The following GABRG3 variants were observed in gnomAD, a reference collection of about 807,000 sequenced individuals.
The protein encoded by GABRG3 is gamma-aminobutyric acid receptor subunit gamma-3.
In GABRG3, 25 loss-of-function variants were observed where a neutral mutation model predicts 48.8. The observed-to-expected ratio is 0.51, with a 90% CI of 0.37 to 0.72. The LOEUF (loss-of-function observed/expected upper bound fraction) is 0.72. Ranked by LOEUF, GABRG3 falls within the 30% of genes least tolerant of loss-of-function variation. The probability of loss-of-function intolerance (pLI) is 0.00; values close to 1 mark genes in which losing one functional copy is unlikely to be tolerated. For missense variants in GABRG3, 394 were observed against 577.9 expected (o/e 0.68, Z 3.26); for synonymous variants, 227 against 217.6 (o/e 1.04, Z -0.38).
At chr15:27,093,212 G>T (rs1481347047) in intron 3 of GABRG3, among the ~76,000 whole-genome samples, 1 of 152,108 alleles carries the variant, frequency 6.6e-6, no homozygotes, top group East Asian at 1.9e-4. Context: ...TGGCCAGGTT[G>T]GTGAGGTGGA....
At chr15:27,049,155 G>A (rs1019342577) in intron 3 of GABRG3, among the ~76,000 whole-genome samples, 3 of 152,214 alleles carry the variant, frequency 2.0e-5, no homozygotes, top group African/African-American at 7.2e-5. Context: ...TTAATGCTCT[G>A]GTGTCTCTCT....
intron 5 of GABRG3, among the ~76,000 whole-genome samples, chr15:27,386,548 G>A (rs935233112): frequency 6.6e-6 from 1 of 151,942 alleles, no homozygotes; most frequent in Non-Finnish European, 1.5e-5. Flanking sequence ...GAACTTGGGG[G>A]ACTTTTTTTT....
chr15:27,119,363 G>A (rs1366747558), intron 3 of GABRG3, among the ~76,000 whole-genome samples: 2 of 152,120 alleles, frequency 1.3e-5, no homozygotes, highest in Non-Finnish European at 2.9e-5. Context: ...TCTGTTATAC[G>A]AGTTTCAGCC....
chr15:27,540,515 T>C lies in GABRG3; in HGVS notation c.*7634T>C, dbSNP rs1161136459. 3 of 152,238 alleles carry C rather than the reference T, an allele frequency of 2.0e-5. No individual in the cohort carries two copies. Among genetic ancestry groups the C allele is most frequent in the African/African-American group, 7.2e-5 (3 of 41,472 alleles). The allele number at this position is 152,238 out of a possible 1,614,324, so 9.4% of individuals were successfully genotyped here. A position where few individuals can be genotyped will look rare whatever the true frequency, so the allele number is the denominator to read the frequency against. On this transcript the variant is annotated 3_prime_UTR_variant, in exon 10 of 10. Transcript: ENST00000615808. ...AATAGTCACAGGCAAAATATATTCA[T>C]GAAATGTACAGTGCTTACTATTATA...
rs138304518 is a variant in GABRG3 at position 26,995,847 on chromosome 15, C to A, written c.202+18697C>A. On this transcript the variant is annotated intron_variant, in intron 2 of 9. Transcript: ENST00000615808. Reference sequence around the variant, plus strand: ...AAAATTTATTTTCACATTAGTTGTACAACCTTATGTCTTTTTTATATGCAC... The same window carrying A: ...AAAATTTATTTTCACATTAGTTGTAAAACCTTATGTCTTTTTTATATGCAC... Among the ~76,000 whole-genome samples, 776 of 152,062 alleles carry A rather than the reference C, an allele frequency of 5.1e-3. 9 individuals are homozygous for A. The highest frequency in any genetic ancestry group is 0.018 in the African/African-American group (734 of 41,542).
At chr15:27,328,195 A>G (rs970073388) in intron 4 of GABRG3, among the ~76,000 whole-genome samples, 9 of 152,022 alleles carry the variant, frequency 5.9e-5, no homozygotes, top group Non-Finnish European at 1.3e-4. Context: ...TGGAGTTTGT[A>G]GAAGTTGTCT....
chr15:26,983,171 C>G (rs950181221), intron 2 of GABRG3, among the ~76,000 whole-genome samples: 4 of 147,852 alleles, frequency 2.7e-5, no homozygotes, highest in African/African-American at 1.0e-4. Context: ...TTTTTCAAAT[C>G]TAGCCAATTT....
chr15:27,020,813 A>G (rs1895880615), intron 2 of GABRG3, among the ~76,000 whole-genome samples: 1 of 152,152 alleles, frequency 6.6e-6, no homozygotes, highest in Non-Finnish European at 1.5e-5. Context: ...CATGGAGGTG[A>G]TATAATTTTT....
At chr15:27,307,256 TCA>T (rs1317777079) in intron 3 of GABRG3, among the ~76,000 whole-genome samples, 2 of 81,854 alleles carry the variant, frequency 2.4e-5, no homozygotes, top group African/African-American at 4.0e-5. Flanking sequence ...ATAACCATGT[TCA>T]TATTATATGT....
intron 3 of GABRG3, among the ~76,000 whole-genome samples, chr15:27,031,079 CACACACACAT>C (rs995211405): frequency 2.6e-5 from 4 of 151,750 alleles, no homozygotes; most frequent in Admixed American, 6.5e-5. Context: ...CACACACACA[CACACACACAT>C]ACAACACATA....
At chr15:27,096,281 G>A (rs1329498958) in intron 3 of GABRG3, among the ~76,000 whole-genome samples, 1 of 152,238 alleles carries the variant, frequency 6.6e-6, no homozygotes, top group Non-Finnish European at 1.5e-5. Context: ...TTTCATCAGA[G>A]GAAGTCTCTG....
intron 3 of GABRG3, among the ~76,000 whole-genome samples, chr15:27,263,880 C>CTTGGA (rs1890836913): frequency 6.7e-6 from 1 of 150,044 alleles, no homozygotes. Flanking sequence ...GAGCCGAGAT[C>CTTGGA]GCGCCACTGC....
chr15:27,149,638 A>G (rs1898274224), intron 3 of GABRG3, among the ~76,000 whole-genome samples: 1 of 152,242 alleles, frequency 6.6e-6, no homozygotes. Flanking sequence ...AACGATAGGC[A>G]TATGCATAAA....
At chr15:27,173,388 C>T (rs536868951) in intron 3 of GABRG3, among the ~76,000 whole-genome samples, 3 of 152,218 alleles carry the variant, frequency 2.0e-5, no homozygotes, top group South Asian at 4.2e-4. Context: ...TATACCTCCT[C>T]CTTGGTTAAT....
In GABRG3 at chr15:27,252,617, T is replaced by C. The variant is rs1890495963; in HGVS notation, c.271-74192T>C. The stretch of plus-strand genomic sequence containing the variant: ...TCAGGTTTCTGAATTACAGCAGAAA[T>C]TGAAGACATCTGTGGGGCCTCCTGG... On this transcript the variant is annotated intron_variant, in intron 3 of 9. Coordinates refer to ENST00000615808, the MANE Select transcript of GABRG3 (RefSeq NM_033223.5). 2.0e-5 allele frequency among the ~76,000 whole-genome samples: 3 copies of C among 152,154 alleles called. 1 individual carries two copies. Among genetic ancestry groups the C allele is most frequent in the South Asian group, 4.1e-4 (2 of 4,830 alleles).
chr15:27,215,373 T>G (rs529411682), intron 3 of GABRG3, among the ~76,000 whole-genome samples: 1 of 152,292 alleles, frequency 6.6e-6, no homozygotes, highest in African/African-American at 2.4e-5. Context: ...CCTCATGTAC[T>G]TTTCAGTGCA....
rs181769162 is a variant in GABRG3, at chr15:27,459,496, G to A, written c.575-21154G>A. Among the ~76,000 whole-genome samples the A allele has an allele frequency of 2.8e-3, 427 of 152,340 alleles. 2 individuals carry two copies. The highest frequency in any genetic ancestry group is 9.9e-3 in the African/African-American group (411 of 41,578). On this transcript the variant is annotated intron_variant, in intron 5 of 9. Coordinates refer to ENST00000615808, the MANE Select transcript of GABRG3 (RefSeq NM_033223.5). ...AATTACACACTTAACAGTCTGCTAAGAGGCAGATCTCATGTGCTCATATTA... is the reference window on the plus strand; with the variant it reads ...AATTACACACTTAACAGTCTGCTAAAAGGCAGATCTCATGTGCTCATATTA...
intron 6 of GABRG3, among the ~76,000 whole-genome samples, chr15:27,485,375 G>A (rs1282055796): frequency 1.3e-5 from 2 of 152,136 alleles, no homozygotes; most frequent in African/African-American, 2.4e-5. Context: ...AGAAGAAAGC[G>A]AAGAAAACAA....
chr15:27,148,571 A>G (rs761565588), intron 3 of GABRG3, among the ~76,000 whole-genome samples: 10 of 152,036 alleles, frequency 6.6e-5, no homozygotes, highest in Non-Finnish European at 1.2e-4. Flanking sequence ...AACACCTCAT[A>G]CAAATATACA....
Sources: allele counts gnomAD v4.1 joint callset (sites outside exome capture counted in the v4.1 genomes callset), GRCh38; gene constraint gnomAD v4.1.1; transcripts MANE v1.5; gene names NCBI Gene and HGNC (gene_info 2026-07-23, HGNC 2026-07-21).